SHC4: variants seen among roughly 807,000 people sequenced by gnomAD.
The protein encoded by SHC4 is SHC-transforming protein 4.
Under a neutral mutation model 69.4 loss-of-function variants are expected in SHC4, and 41 were observed. The observed-to-expected ratio is 0.59, with a 90% CI of 0.46 to 0.77. The LOEUF (loss-of-function observed/expected upper bound fraction) is 0.77, where lower values mean the gene tolerates loss of function less well. Among genes scored for constraint, SHC4 ranks in the 30% least tolerant of loss-of-function variants. The pLI, the probability that SHC4 is intolerant of heterozygous loss-of-function variation, is 0.00. For missense variants in SHC4, 777 were observed against 783.8 expected (o/e 0.99, Z 0.10); for synonymous variants, 318 against 299.3 (o/e 1.06, Z -0.64).
intron 9 of SHC4, among the ~76,000 whole-genome samples, chr15:48,850,730 A>G (rs1229057127): frequency 1.3e-5 from 2 of 152,236 alleles, no homozygotes; most frequent in Admixed American, 6.5e-5. Flanking sequence ...TATGGGGTGG[A>G]CAAGCTCCTA....
intron 2 of SHC4, among the ~76,000 whole-genome samples, chr15:48,923,635 CTTTT>C (rs59906872): frequency 1.1e-5 from 1 of 92,510 alleles, no homozygotes; most frequent in Non-Finnish European, 2.0e-5. Flanking sequence ...ACTACTCAGT[CTTTT>C]TTTTTTTTTT....
chr15:48,940,240 T>A (rs1177045655), intron 1 of SHC4, among the ~76,000 whole-genome samples: 1 of 152,238 alleles, frequency 6.6e-6, no homozygotes, highest in African/African-American at 2.4e-5. Context: ...GAGAATATGA[T>A]CTAACCTAAT....
chr15:48,834,558 A>G (rs1898864444), intron 11 of SHC4, among the ~76,000 whole-genome samples: 1 of 152,144 alleles, frequency 6.6e-6, no homozygotes, highest in Admixed American at 6.6e-5. Flanking sequence ...AAGGGCAGAA[A>G]GAGGCTGTCC....
At chr15:48,842,412 A>G (rs1899008620) in intron 10 of SHC4, among the ~76,000 whole-genome samples, 2 of 152,242 alleles carry the variant, frequency 1.3e-5, no homozygotes, top group South Asian at 4.1e-4. Context: ...AAAAGTACGT[A>G]GTAGAAATCA....
At chr15:48,948,921 C>T (rs1194385025) in intron 1 of SHC4, among the ~76,000 whole-genome samples, 1 of 152,054 alleles carries the variant, frequency 6.6e-6, no homozygotes, top group Non-Finnish European at 1.5e-5. Flanking sequence ...AGAAAAATCA[C>T]ACACCTCCCT....
intron 10 of SHC4, among the ~76,000 whole-genome samples, chr15:48,836,477 T>C (rs1375437347): frequency 6.6e-6 from 1 of 152,178 alleles, no homozygotes; most frequent in African/African-American, 2.4e-5. Context: ...ACCAGGTTCT[T>C]ATGTCTGAAA....
At chr15:48,901,013 C>T (rs572490794) in intron 2 of SHC4, among the ~76,000 whole-genome samples, 1 of 152,324 alleles carries the variant, frequency 6.6e-6, no homozygotes, top group East Asian at 1.9e-4. Context: ...GAAAAACAGC[C>T]ATAGGCAATC....
chr15:48,903,456 A>G (rs1900350774), intron 2 of SHC4, among the ~76,000 whole-genome samples: 1 of 152,316 alleles, frequency 6.6e-6, no homozygotes, highest in African/African-American at 2.4e-5. Context: ...CTGTTCTCAC[A>G]TTCCCTGATA....
chr15:48,878,662 C>T, intron 4 of SHC4: 2 of 1,614,002 alleles, frequency 1.2e-6, no homozygotes, highest in Admixed American at 1.7e-5. Context: ...TAGCTTTTAT[C>T]GAAGAGCTTT....
chr15:48,869,804 C>T (rs7177317), intron 5 of SHC4, among the ~76,000 whole-genome samples: 87,108 of 152,050 alleles, frequency 0.57, 27,347 homozygotes, highest in Middle Eastern at 0.75. Context: ...GCCATGGCAC[C>T]GCCGCCAGAT....
chr15:48,828,645 T>C (rs1046630798), intron 11 of SHC4, among the ~76,000 whole-genome samples: 6 of 152,192 alleles, frequency 3.9e-5, no homozygotes, highest in African/African-American at 1.4e-4. Context: ...CAATTCTTCA[T>C]ATCCTTGCGA....
intron 4 of SHC4, among the ~76,000 whole-genome samples, chr15:48,882,242 CCA>C (rs1336505561): frequency 6.6e-6 from 1 of 152,096 alleles, no homozygotes; most frequent in Non-Finnish European, 1.5e-5. Context: ...CATCTCTCCC[CCA>C]TATCCCCCAG....
intron 1 of SHC4, among the ~76,000 whole-genome samples, chr15:48,936,832 G>A (rs1444842802): frequency 2.6e-5 from 4 of 152,162 alleles, no homozygotes; most frequent in Non-Finnish European, 4.4e-5. Context: ...TCTGCATCCC[G>A]TGAGGCAGCT....
intron 1 of SHC4, 109 bp from the exon 2 acceptor site, chr15:48,925,058 A>G (rs899933271): frequency 9.0e-7 from 1 of 1,110,490 alleles, no homozygotes; most frequent in Non-Finnish European, 1.3e-6. Flanking sequence ...TCTGCTATCA[A>G]GTTACATTTG....
At chr15:48,830,803 C>T (rs1370619304) in intron 11 of SHC4, among the ~76,000 whole-genome samples, 5 of 152,174 alleles carry the variant, frequency 3.3e-5, no homozygotes, top group African/African-American at 1.2e-4. Context: ...AAGCAAACCG[C>T]CAAGGTCATA....
chr15:48,923,203 G>A lies in SHC4; in HGVS notation c.656+1676C>T, dbSNP rs368172604. Among the ~76,000 whole-genome samples, 60 of 152,284 alleles carry A rather than the reference G, an allele frequency of 3.9e-4. 1 individual carries two copies. The South Asian group carries it at 0.011, about 28-fold the overall frequency. On this transcript the variant is annotated intron_variant, in intron 2 of 11. Transcript: ENST00000332408. ...TAAGGCACATTTCATGGAACCCTAG[G>A]ATGTACATTTCTGTTATACGAGAAA...
intron 10 of SHC4, among the ~76,000 whole-genome samples, chr15:48,840,471 G>T (rs916247450): frequency 3.9e-5 from 6 of 152,100 alleles, no homozygotes; most frequent in Non-Finnish European, 8.8e-5. Context: ...GTTTGGTTTG[G>T]TTATACTGAA....
At chr15:48,931,748 C>G (rs754112357) in intron 1 of SHC4, among the ~76,000 whole-genome samples, 1 of 152,032 alleles carries the variant, frequency 6.6e-6, no homozygotes, top group Admixed American at 6.5e-5. Context: ...AGAGATTAGC[C>G]CCTTTGTTAT....
intron 8 of SHC4, among the ~76,000 whole-genome samples, chr15:48,854,622 G>A (rs1595733056): frequency 6.6e-6 from 1 of 152,198 alleles, no homozygotes; most frequent in Non-Finnish European, 1.5e-5. Flanking sequence ...ATACACCATG[G>A]AATACTATGC....
Sources: allele counts gnomAD v4.1 joint callset (sites outside exome capture counted in the v4.1 genomes callset), GRCh38; gene constraint gnomAD v4.1.1; transcripts MANE v1.5; gene names NCBI Gene and HGNC (gene_info 2026-07-23, HGNC 2026-07-21).